CDC42BPA: variants seen among roughly 807,000 people sequenced by gnomAD.
CDC42BPA encodes the protein CDC42 binding protein kinase alpha.
CDC42BPA carries 80 observed loss-of-function variants against 223.5 expected under a neutral mutation model. The observed-to-expected ratio is 0.36, with a 90% CI of 0.30 to 0.43. The LOEUF is 0.43. Among genes scored for constraint, CDC42BPA ranks in the 20% least tolerant of loss-of-function variants. The pLI, the probability that CDC42BPA is intolerant of heterozygous loss-of-function variation, is 1.00. For missense variants in CDC42BPA, 1,743 were observed against 2,099.9 expected (o/e 0.83, Z 3.32); for synonymous variants, 694 against 718.6 (o/e 0.97, Z 0.55).
intron 10 of CDC42BPA, among the ~76,000 whole-genome samples, chr1:227,133,973 GAATA>G (rs71179195): frequency 4.9e-4 from 72 of 146,378 alleles, no homozygotes; most frequent in Middle Eastern, 3.5e-3. Context: ...AAAAATAAAT[GAATA>G]AATAAATAAA....
chr1:227,246,999 G>T (rs543294883), intron 2 of CDC42BPA, among the ~76,000 whole-genome samples: 1 of 152,092 alleles, frequency 6.6e-6, no homozygotes, highest in African/African-American at 2.4e-5. Context: ...TCAGGAGCTC[G>T]AGACCAGCCT....
In CDC42BPA at chr1:227,230,816, C is replaced by CTTTTTTTTTTTTTTTTTTTT. The variant is rs34787332; in HGVS notation, c.271-17598_271-17597insAAAAAAAAAAAAAAAAAAAA. 1.3e-3 allele frequency among the ~76,000 whole-genome samples: 71 copies of CTTTTTTTTTTTTTTTTTTTT among 54,056 alleles called. 5 individuals carry two copies. Among genetic ancestry groups the CTTTTTTTTTTTTTTTTTTTT allele is most frequent in the Non-Finnish European group, 2.3e-3 (61 of 26,046 alleles). The allele number at this position is 54,056 out of a possible 152,430, so 35.5% of individuals were successfully genotyped here. The stretch of plus-strand genomic sequence containing the variant: ...ACTGATTTCTATTTCTTTTTTCTTT[C>CTTTTTTTTTTTTTTTTTTTT]TTTCTTTTTTTTTTTTTTTTTTTGA... On this transcript the variant is annotated intron_variant, in intron 2 of 36. Transcript: ENST00000366766.
At chr1:227,102,467 A>G (rs1685209978) in intron 14 of CDC42BPA, among the ~76,000 whole-genome samples, 1 of 152,130 alleles carries the variant, frequency 6.6e-6, no homozygotes, top group South Asian at 2.1e-4. Flanking sequence ...GGCACTTACC[A>G]CTGACCCGTA....
intron 34 of CDC42BPA, among the ~76,000 whole-genome samples, chr1:227,012,399 T>C (rs4653474): frequency 0.25 from 38,627 of 152,024 alleles, 4,990 homozygotes; most frequent in East Asian, 0.32. Context: ...AATGCTTATA[T>C]TGTCTTGGCT....
intron 1 of CDC42BPA, among the ~76,000 whole-genome samples, chr1:227,287,285 C>T (rs995987167): frequency 3.3e-5 from 5 of 152,078 alleles, no homozygotes; most frequent in African/African-American, 9.7e-5. Context: ...CTTAGCAAGG[C>T]CTATTTGCAA....
rs1393742037 is a variant in CDC42BPA at position 227,029,060 on chromosome 1, C to G, written c.4029G>C (p.Lys1343Asn). 1 of 1,613,950 alleles carries G rather than the reference C, an allele frequency of 6.2e-7. No homozygotes were observed. Among genetic ancestry groups the G allele is most frequent in the East Asian group, 2.2e-5 (1 of 44,896 alleles). The change falls in exon 30 of 37, where the codon AAG (lysine) becomes AAC (asparagine). Residue 1343 changes from lysine to asparagine, a missense_variant. Physicochemically the swap from Lys to Asn is moderately conservative, Grantham distance 94. This residue lies in a region of CDC42BPA where 678 missense variants were observed against 777.5 expected (regional missense o/e 0.87). Transcript: ENST00000366766. ...GGCATGTGAGAGCTCCATGGCGCACCTTTCCAGAAGTTACGGTTTGACACC... is the reference window on the plus strand; with the variant it reads ...GGCATGTGAGAGCTCCATGGCGCACGTTTCCAGAAGTTACGGTTTGACACC... ...TKGCQTVTSG[K>N]VRHGALTCLC...
In CDC42BPA at chr1:227,026,135, G is replaced by C. The variant is rs763493218; in HGVS notation, c.4450C>G (p.Leu1484Val). Residue 1484 changes from leucine to valine, a missense_variant, in exon 31 of 37, where the codon CTC becomes GTC. Around this residue, in one of 6 missense-constraint regions of CDC42BPA, gnomAD observed 678 missense variants for 777.5 expected, o/e 0.87. Coordinates refer to ENST00000366766, the MANE Select transcript of CDC42BPA (RefSeq NM_001394014.1). The part of the protein sequence containing the change: ...PSSCCYNAPY[L>V]SVYSENAVDI... Reference sequence around the variant, plus strand: ...ACTGCATTTTCACTGTACACCGAGAGATATGGTGCATTGTAACCTGGGAGA... The same window carrying C: ...ACTGCATTTTCACTGTACACCGAGACATATGGTGCATTGTAACCTGGGAGA... The C allele has an allele frequency of 1.2e-6, 2 of 1,601,364 alleles. No individual in the cohort carries two copies. The highest frequency in any genetic ancestry group is 2.2e-5 in the South Asian group (2 of 90,076).
At chr1:227,282,472 C>G (rs1440468613) in intron 1 of CDC42BPA, among the ~76,000 whole-genome samples, 1 of 152,148 alleles carries the variant, frequency 6.6e-6, no homozygotes, top group African/African-American at 2.4e-5. Flanking sequence ...ACTGTGATAG[C>G]AGCTAAGTCA....
intron 2 of CDC42BPA, among the ~76,000 whole-genome samples, chr1:227,222,684 G>C (rs897029323): frequency 6.6e-6 from 1 of 152,342 alleles, no homozygotes; most frequent in African/African-American, 2.4e-5. Flanking sequence ...GTTAGCATTA[G>C]ATCATACCCT....
chr1:227,038,425 A>T (rs748042206), intron 24 of CDC42BPA, among the ~76,000 whole-genome samples: 14 of 152,208 alleles, frequency 9.2e-5, no homozygotes, highest in Non-Finnish European at 1.5e-4. Context: ...CAAATGGATA[A>T]CTCATTTTAA....
intron 5 of CDC42BPA, 147 bp from the exon 6 acceptor site, chr1:227,160,783 C>G (rs138905506): frequency 2.0e-5 from 11 of 552,628 alleles, no homozygotes; most frequent in Non-Finnish European, 3.2e-5. Context: ...TAATTCAAAT[C>G]CTGGTTCTGA....
At chr1:227,024,202 T>C (rs925442468) in intron 31 of CDC42BPA, among the ~76,000 whole-genome samples, 2 of 152,126 alleles carry the variant, frequency 1.3e-5, no homozygotes, top group Non-Finnish European at 2.9e-5. Flanking sequence ...GAAATATGAA[T>C]GATGAATAAA....
In CDC42BPA at chr1:227,085,337, A is replaced by G. The variant is rs144688385; in HGVS notation, c.2356-4320T>C. Among the ~76,000 whole-genome samples the G allele has an allele frequency of 1.1e-3, 160 of 152,354 alleles. 1 individual carries two copies. Among genetic ancestry groups the G allele is most frequent in the African/African-American group, 3.6e-3 (151 of 41,578 alleles). ...GTATTTTCACCTCTGTGGGCCACAT[A>G]AAATCTCACATCATCGTCATCTTCT... On this transcript the variant is annotated intron_variant, in intron 16 of 36. Transcript: ENST00000366766.
intron 16 of CDC42BPA, among the ~76,000 whole-genome samples, chr1:227,083,399 T>A (rs1461454413): frequency 6.6e-6 from 1 of 152,226 alleles, no homozygotes; most frequent in African/African-American, 2.4e-5. Flanking sequence ...TTGACAGTTT[T>A]GTATAGATTC....
intron 3 of CDC42BPA, among the ~76,000 whole-genome samples, chr1:227,206,439 A>C (rs913815384): frequency 6.6e-6 from 1 of 152,218 alleles, no homozygotes; most frequent in African/African-American, 2.4e-5. Context: ...ATCATTAATT[A>C]TATATTTGAC....
At chr1:227,041,304 C>A (rs1572428259) in intron 23 of CDC42BPA, among the ~76,000 whole-genome samples, 2 of 152,158 alleles carry the variant, frequency 1.3e-5, no homozygotes, top group Non-Finnish European at 2.9e-5. Context: ...CTCCCTCCTT[C>A]CCCTTCTCTA....
chr1:227,285,934 A>C (rs1045170560), intron 1 of CDC42BPA, among the ~76,000 whole-genome samples: 6 of 152,194 alleles, frequency 3.9e-5, no homozygotes, highest in African/African-American at 1.4e-4. Context: ...GGCACAAGGC[A>C]GTTGAAGCCC....
chr1:227,010,916 G>A (rs760950814), intron 34 of CDC42BPA: 31 of 1,364,902 alleles, frequency 2.3e-5, no homozygotes, highest in South Asian at 2.3e-5. Context: ...GGGACAGAGC[G>A]CAGAGACGGG....
intron 1 of CDC42BPA, among the ~76,000 whole-genome samples, chr1:227,260,434 G>A (rs1683838236): frequency 1.3e-5 from 2 of 150,968 alleles, no homozygotes; most frequent in Non-Finnish European, 2.9e-5. Flanking sequence ...ACTCTGTGTA[G>A]CCCAAGATCC....
Sources: allele counts gnomAD v4.1 joint callset (sites outside exome capture counted in the v4.1 genomes callset), GRCh38; gene constraint gnomAD v4.1.1; regional missense constraint gnomAD v4.1.1; transcripts MANE v1.5; gene names NCBI Gene and HGNC (gene_info 2026-07-23, HGNC 2026-07-21).